The following MYZAP variants were observed in gnomAD, a reference collection of about 807,000 sequenced individuals.
MYZAP encodes GRINL1A complex locus upstream.
Under a neutral mutation model 69.4 loss-of-function variants are expected in MYZAP, and 66 were observed. The ratio of observed to expected loss-of-function variants is 0.95; its 90% CI spans 0.78 to 1.17. MYZAP has a LOEUF of 1.17. Ranked by LOEUF, MYZAP falls within the 50% of genes most tolerant of loss-of-function variation. The probability of loss-of-function intolerance (pLI) is 0.00; values close to 1 mark genes in which losing one functional copy is unlikely to be tolerated. For missense variants in MYZAP, 611 were observed against 556.2 expected (o/e 1.10, Z -0.99); for synonymous variants, 256 against 205.9 (o/e 1.24, Z -2.09).
At chr15:57,647,965 C>G (rs747610097) in intron 10 of MYZAP, 73 of 985,224 alleles carry the variant, frequency 7.4e-5, no homozygotes, top group Non-Finnish European at 8.7e-5. Context: ...TTAACTGGAT[C>G]CTTAGCCTTG....
intron 11 of MYZAP, among the ~76,000 whole-genome samples, chr15:57,671,483 T>C (rs1595935089): frequency 2.0e-5 from 3 of 152,134 alleles, no homozygotes; most frequent in African/African-American, 7.2e-5. Context: ...TCTGCTTTAG[T>C]TTTCCTCTCC....
intron 8 of MYZAP, among the ~76,000 whole-genome samples, chr15:57,635,439 C>G (rs139498691): frequency 6.6e-6 from 1 of 152,290 alleles, no homozygotes; most frequent in Non-Finnish European, 1.5e-5. Flanking sequence ...CTGAAAGTTT[C>G]TTGTCTTTCC....
intron 2 of MYZAP, among the ~76,000 whole-genome samples, chr15:57,617,536 G>T (rs764586050): frequency 1.3e-5 from 2 of 152,112 alleles, no homozygotes; most frequent in East Asian, 3.9e-4. Context: ...AACAGGTTAT[G>T]TACTAACACT....
intron 12 of MYZAP, among the ~76,000 whole-genome samples, chr15:57,676,419 T>C (rs2039121986): frequency 5.2e-5 from 1 of 19,058 alleles, no homozygotes; most frequent in African/African-American, 9.5e-5. Flanking sequence ...TGTATATATA[T>C]GTGTATATAT....
chr15:57,646,643 C>A, intron 10 of MYZAP: 1 of 992,366 alleles, frequency 1.0e-6, no homozygotes. Flanking sequence ...CACCAGATCA[C>A]CCCCAAGAAA....
At chr15:57,640,251 G>C (rs1223669797) in intron 10 of MYZAP, among the ~76,000 whole-genome samples, 1 of 152,106 alleles carries the variant, frequency 6.6e-6, no homozygotes, top group Non-Finnish European at 1.5e-5. Flanking sequence ...CTCTCTTGTG[G>C]TGATGTTCCA....
chr15:57,674,661 A>G (rs1217131959), intron 11 of MYZAP, among the ~76,000 whole-genome samples: 1 of 152,264 alleles, frequency 6.6e-6, no homozygotes, highest in Admixed American at 6.5e-5. Flanking sequence ...AAGAAAACTA[A>G]TATAGATGGA....
intron 2 of MYZAP, 151 bp from the exon 3 acceptor site, chr15:57,617,882 C>G: frequency 9.2e-7 from 1 of 1,092,386 alleles, no homozygotes; most frequent in Non-Finnish European, 1.3e-6. Flanking sequence ...TGAACAGAGA[C>G]TAGATGGGAT....
chr15:57,668,114 G>A (rs1593439), intron 11 of MYZAP, among the ~76,000 whole-genome samples: 131,904 of 152,236 alleles, frequency 0.87, 59,072 homozygotes, highest in Non-Finnish European at 0.97. Context: ...GCGCATCTAA[G>A]TTGTATGCAT....
intron 8 of MYZAP, among the ~76,000 whole-genome samples, chr15:57,634,016 T>C (rs1363517243): frequency 6.6e-6 from 1 of 152,196 alleles, no homozygotes; most frequent in Non-Finnish European, 1.5e-5. Flanking sequence ...GCCCCAGGTG[T>C]GAACTTAGTT....
chr15:57,646,385 A>C, intron 10 of MYZAP: 1 of 1,159,596 alleles, frequency 8.6e-7, no homozygotes, highest in Non-Finnish European at 1.1e-6. Context: ...ACATACTGTC[A>C]CCCTGACTTG....
chr15:57,627,126 A>G (rs191916993), intron 5 of MYZAP, among the ~76,000 whole-genome samples: 2 of 152,196 alleles, frequency 1.3e-5, no homozygotes, highest in Non-Finnish European at 2.9e-5. Context: ...TATTTGTACT[A>G]CATCTCTGGT....
chr15:57,625,882 T>C lies in MYZAP; in HGVS notation c.515T>C (p.Ile172Thr), dbSNP rs143011333. ...AMNSALASDS[I>T]GLQKTLVDVT... The stretch of plus-strand genomic sequence containing the variant: ...AACTCAGCCTTGGCATCAGATTCCA[T>C]TGGCCTGCAGGTACTCATCTGCTTA... The change falls in exon 5 of 13, where the codon ATT becomes ACT. Residue 172 changes from isoleucine (I) to threonine (T), a missense_variant. Ile to Thr is a moderately conservative substitution (Grantham distance 89, BLOSUM62 -1). Transcript: ENST00000267853. 97 of 1,614,148 alleles carry C rather than the reference T, an allele frequency of 6.0e-5. 1 individual carries two copies. The highest frequency in any genetic ancestry group is 3.4e-4 in the South Asian group (31 of 91,074).
chr15:57,623,174 A>G (rs1404580162), intron 4 of MYZAP, among the ~76,000 whole-genome samples: 4 of 152,218 alleles, frequency 2.6e-5, no homozygotes, highest in Non-Finnish European at 4.4e-5. Flanking sequence ...CCAAAGTGCA[A>G]GAGTGGGTCA....
rs529203006 is a variant in MYZAP, at chr15:57,639,642, T to C, written c.1119+97T>C. 46 of 1,418,290 alleles carry C rather than the reference T, an allele frequency of 3.2e-5. No individual in the cohort carries two copies. The South Asian group carries it at 6.0e-4, about 19-fold the overall frequency. The allele number at this position is 1,418,290 out of a possible 1,614,324, so 87.9% of individuals were successfully genotyped here. Reference sequence around the variant, plus strand: ...GCCTTGCCCCTCCATTTCCTGTGGCTCACAAGCCGAGGTGCTCAGGCCACT... The same window carrying C: ...GCCTTGCCCCTCCATTTCCTGTGGCCCACAAGCCGAGGTGCTCAGGCCACT... On this transcript the variant is annotated intron_variant, in intron 10 of 12. Coordinates refer to ENST00000267853, the MANE Select transcript of MYZAP (RefSeq NM_001018100.5).
chr15:57,676,780 T>G (rs1361827649), intron 12 of MYZAP, among the ~76,000 whole-genome samples: 1 of 152,136 alleles, frequency 6.6e-6, no homozygotes, highest in African/African-American at 2.4e-5. Context: ...TGAAGCAAAC[T>G]TTTATGGCTA....
At chr15:57,633,587 C>T (rs1440161701) in intron 7 of MYZAP, 26 bp from the exon 8 acceptor site, 3 of 1,604,888 alleles carry the variant, frequency 1.9e-6, no homozygotes, top group Middle Eastern at 1.7e-4. Context: ...CATGCCTGTA[C>T]TTAGGAGGGT....
chr15:57,678,073 A>C (rs1271043600), intron 12 of MYZAP, among the ~76,000 whole-genome samples: 6 of 151,392 alleles, frequency 4.0e-5, no homozygotes, highest in African/African-American at 7.3e-5. Flanking sequence ...GAAAAGAAAT[A>C]AAAAATAGGC....
chr15:57,660,584 G>A (rs1208399041), intron 10 of MYZAP, among the ~76,000 whole-genome samples: 1 of 152,168 alleles, frequency 6.6e-6, no homozygotes, highest in Non-Finnish European at 1.5e-5. Context: ...CAAAGTGCTG[G>A]GATCATAGGA....
Sources: gnomAD v4.1 joint callset for allele counts (sites outside exome capture counted in the v4.1 genomes callset) on GRCh38, gnomAD v4.1.1 for gene constraint, MANE v1.5 for transcripts, NCBI Gene and HGNC (gene_info 2026-07-23, HGNC 2026-07-21) for gene names.